Variants in RBFOX2 observed in about 807,000 individuals in gnomAD.
The protein encoded by RBFOX2 is RNA binding fox-1 homolog 2, also known as RNA binding protein fox-1 homolog 2.
RBFOX2 carries 10 observed loss-of-function variants against 49.1 expected under a neutral mutation model. The observed-to-expected ratio is 0.20, with a 90% CI of 0.13 to 0.35. The LOEUF (loss-of-function observed/expected upper bound fraction) is 0.35. RBFOX2 is among the 10% of genes least tolerant of loss of function. The probability of loss-of-function intolerance (pLI) is 1.00; values close to 1 mark genes in which losing one functional copy is unlikely to be tolerated. For missense variants in RBFOX2, 323 were observed against 486.9 expected, an observed-to-expected ratio of 0.66 and a Z score of 3.17; for synonymous variants, 183 against 187.4, an observed-to-expected ratio of 0.98 and a Z score of 0.19.
intron 1 of RBFOX2, among the ~76,000 whole-genome samples, chr22:35,952,745 G>A (rs541815853): frequency 6.6e-6 from 1 of 152,146 alleles, no homozygotes; most frequent in Non-Finnish European, 1.5e-5. Flanking sequence ...TGGTGGGAAT[G>A]TAAAATGGAG....
upstream of RBFOX2, among the ~76,000 whole-genome samples, chr22:35,940,610 A>C (rs970464984): frequency 2.0e-5 from 3 of 152,178 alleles, no homozygotes; most frequent in African/African-American, 7.2e-5. Flanking sequence ...AACTGAAAAC[A>C]TATGTCCACA....
rs76819114 is a variant in RBFOX2, at chr22:36,028,122, C to A, written c.186+118G>T. Reference sequence around the variant, plus strand: ...TTCCAACCAGGCCCCGAATGGCCCCCCATCCCACCTCCAACCCAGGACTCC... The same window carrying A: ...TTCCAACCAGGCCCCGAATGGCCCCACATCCCACCTCCAACCCAGGACTCC... On this transcript the variant is annotated intron_variant, in intron 1 of 13. Coordinates refer to the RBFOX2 transcript ENST00000438146. The A allele has an allele frequency of 0.097, 126,474 of 1,302,074 alleles. 6,785 individuals carry two copies. The highest frequency in any genetic ancestry group is 0.19 in the Admixed American group (4,791 of 25,186). The allele number at this position is 1,302,074 out of a possible 1,614,324, so 80.7% of individuals were successfully genotyped here.
At chr22:35,836,037 A>C (rs1957593421) in intron 1 of RBFOX2, among the ~76,000 whole-genome samples, 1 of 152,118 alleles carries the variant, frequency 6.6e-6, no homozygotes, top group South Asian at 2.1e-4. Context: ...CAAAGCCCAT[A>C]GAAAGTGGAA....
At chr22:35,783,455 C>T (rs1233131243) in intron 2 of RBFOX2, among the ~76,000 whole-genome samples, 1 of 151,928 alleles carries the variant, frequency 6.6e-6, no homozygotes, top group Non-Finnish European at 1.5e-5. Context: ...AGAAAAAGCA[C>T]ACGCCAAGAG....
chr22:35,953,594 C>T (rs928927869), intron 1 of RBFOX2, among the ~76,000 whole-genome samples: 1 of 152,128 alleles, frequency 6.6e-6, no homozygotes, highest in Non-Finnish European at 1.5e-5. Context: ...AGTGGTTGTA[C>T]AGCACTGTGA....
At chr22:36,014,110 C>T (rs1265721312) in intron 1 of RBFOX2, among the ~76,000 whole-genome samples, 1 of 151,124 alleles carries the variant, frequency 6.6e-6, no homozygotes, top group Admixed American at 6.6e-5. Context: ...AGGATGATAC[C>T]TATTATCATT....
intron 1 of RBFOX2, among the ~76,000 whole-genome samples, chr22:36,006,770 C>T (rs2058634924): frequency 1.3e-5 from 2 of 152,190 alleles, no homozygotes. Flanking sequence ...CCCTGCTTAT[C>T]CACTCAATAC....
intron 11 of RBFOX2, among the ~76,000 whole-genome samples, 177 bp downstream of exon 13, chr22:35,745,746 T>C (rs1602010797): frequency 6.6e-6 from 1 of 152,218 alleles, no homozygotes; most frequent in Non-Finnish European, 1.5e-5. Context: ...GTGGCTCACA[T>C]TATAATAACA....
chr22:35,935,316 C>T (rs1569499161), intron 1 of RBFOX2, among the ~76,000 whole-genome samples: 1 of 152,178 alleles, frequency 6.6e-6, no homozygotes, highest in Non-Finnish European at 1.5e-5. Flanking sequence ...TTGTCTCCTC[C>T]ACTTCCATAG....
intron 1 of RBFOX2, among the ~76,000 whole-genome samples, chr22:35,919,598 G>A (rs533348512): frequency 1.6e-4 from 24 of 151,944 alleles, no homozygotes; most frequent in Middle Eastern, 3.2e-3. Context: ...TACTAAAAAT[G>A]TCCTAAAACT....
At chr22:35,986,482 C>T (rs1374741411) in intron 1 of RBFOX2, among the ~76,000 whole-genome samples, 1 of 152,108 alleles carries the variant, frequency 6.6e-6, no homozygotes, top group Non-Finnish European at 1.5e-5. Context: ...AAATGAAAAA[C>T]GTGCACCTCA....
chr22:35,939,160 A>T, upstream of RBFOX2: 1 of 637,772 alleles, frequency 1.6e-6, no homozygotes. Flanking sequence ...TTTCCAGTAT[A>T]TCTTAGGCAG....
chr22:36,017,295 G>A (rs554630405), intron 1 of RBFOX2, among the ~76,000 whole-genome samples: 4 of 152,194 alleles, frequency 2.6e-5, no homozygotes, highest in South Asian at 2.1e-4. Context: ...TTTGCAAGCC[G>A]AGGCGGGTGG....
chr22:35,908,765 T>C (rs547156073), intron 1 of RBFOX2, among the ~76,000 whole-genome samples: 1 of 151,912 alleles, frequency 6.6e-6, no homozygotes, highest in East Asian at 1.9e-4. Context: ...ATGAAACCTA[T>C]TAAATAGGCA....
upstream of RBFOX2, chr22:35,939,136 C>T: frequency 1.5e-6 from 1 of 672,128 alleles, no homozygotes; most frequent in South Asian, 1.5e-5. Context: ...CCTTATGCAG[C>T]TAAATCTGTT....
intron 1 of RBFOX2, among the ~76,000 whole-genome samples, chr22:35,868,793 C>T (rs1313749003): frequency 1.2e-4 from 19 of 152,156 alleles, no homozygotes; most frequent in East Asian, 1.9e-4. Flanking sequence ...CAAAGATGTT[C>T]GAGACTCAAA....
At chr22:35,816,240 CTAAAA>C (rs1426542006) in intron 1 of RBFOX2, among the ~76,000 whole-genome samples, 4 of 152,146 alleles carry the variant, frequency 2.6e-5, no homozygotes, top group Non-Finnish European at 5.9e-5. Context: ...CCTTCAGTAT[CTAAAA>C]TATTCTCGTT....
At chr22:35,835,705 T>C (rs570428929) in intron 1 of RBFOX2, among the ~76,000 whole-genome samples, 22 of 151,912 alleles carry the variant, frequency 1.4e-4, no homozygotes, top group Non-Finnish European at 2.4e-4. Context: ...AAGAGAAAAG[T>C]GTGTGTGATT....
intron 1 of RBFOX2, among the ~76,000 whole-genome samples, chr22:35,839,913 T>C (rs1958420680): frequency 6.6e-6 from 1 of 152,052 alleles, no homozygotes; most frequent in Non-Finnish European, 1.5e-5. Context: ...GACAAAGAGG[T>C]AGACAAATCC....
Sources: allele counts gnomAD v4.1 joint callset (sites outside exome capture counted in the v4.1 genomes callset), GRCh38; gene constraint gnomAD v4.1.1; transcripts MANE v1.5; gene names NCBI Gene and HGNC (gene_info 2026-07-23, HGNC 2026-07-21).